F13A1: variants seen among roughly 807,000 people sequenced by gnomAD.
The protein encoded by F13A1 is FSF, A subunit.
Under a neutral mutation model 80.1 loss-of-function variants are expected in F13A1, and 47 were observed. The observed-to-expected ratio is 0.59, with a 90% CI of 0.46 to 0.75. The LOEUF is 0.75. Ranked by LOEUF, F13A1 falls within the 30% of genes least tolerant of loss-of-function variation. The probability of loss-of-function intolerance (pLI) is 0.00; values close to 1 mark genes in which losing one functional copy is unlikely to be tolerated. For synonymous variants in F13A1, 349 were observed against 344.9 expected, an observed-to-expected ratio of 1.01 and a Z score of -0.13; for missense variants, 817 against 930.4, an observed-to-expected ratio of 0.88 and a Z score of 1.59.
chr6:6,301,078 G>T (rs1001377029), intron 3 of F13A1, among the ~76,000 whole-genome samples: 1 of 152,042 alleles, frequency 6.6e-6, no homozygotes, highest in Non-Finnish European at 1.5e-5. Flanking sequence ...TCTAGTTCAC[G>T]TTCTATACTT....
chr6:6,173,202 T>A (rs1185400724), intron 12 of F13A1, among the ~76,000 whole-genome samples: 1 of 152,120 alleles, frequency 6.6e-6, no homozygotes, highest in Admixed American at 6.5e-5. Flanking sequence ...GAAATGTGAT[T>A]TTTTGAGATT....
chr6:6,311,492 T>C (rs575665981), intron 2 of F13A1, among the ~76,000 whole-genome samples: 1 of 146,356 alleles, frequency 6.8e-6, no homozygotes, highest in East Asian at 2.0e-4. Context: ...AGGGTGCTGA[T>C]TAATGCCTTT....
chr6:6,296,257 A>C (rs1444272594), intron 3 of F13A1, among the ~76,000 whole-genome samples: 2 of 151,874 alleles, frequency 1.3e-5, no homozygotes, highest in African/African-American at 4.9e-5. Flanking sequence ...GTGAACTTTA[A>C]AGTAGTTTTT....
chr6:6,260,653 C>T lies in F13A1; in HGVS notation c.571+5905G>A, dbSNP rs1440280698. On this transcript the variant is annotated intron_variant, in intron 4 of 14. Transcript: ENST00000264870. ...TTGGGTTATGCTTTGCGTGCTAGGC[C>T]GGGAAACCACACAATAAGTGGGGAG... Among the ~76,000 whole-genome samples, 8 of 152,152 alleles carry T rather than the reference C, an allele frequency of 5.3e-5. No individual in the cohort carries two copies. In the East Asian group the frequency reaches 5.8e-4, roughly 11 times the overall value.
intron 3 of F13A1, among the ~76,000 whole-genome samples, chr6:6,304,519 A>G (rs1045540380): frequency 6.6e-6 from 1 of 152,162 alleles, no homozygotes; most frequent in African/African-American, 2.4e-5. Context: ...CCAAAGTTAA[A>G]TGGTCCTTCC....
chr6:6,303,783 T>C (rs1342381489), intron 3 of F13A1, among the ~76,000 whole-genome samples: 1 of 152,212 alleles, frequency 6.6e-6, no homozygotes, highest in Non-Finnish European at 1.5e-5. Context: ...AGCTGGTTTA[T>C]ATAGGTTGCG....
intron 13 of F13A1, among the ~76,000 whole-genome samples, chr6:6,164,667 T>A (rs916610940): frequency 4.8e-5 from 7 of 145,760 alleles, no homozygotes; most frequent in African/African-American, 1.8e-4. Context: ...CCATTCTCGC[T>A]CCTTTTTCCC....
intron 3 of F13A1, among the ~76,000 whole-genome samples, chr6:6,280,827 T>C (rs1200913078): frequency 2.6e-5 from 4 of 152,228 alleles, no homozygotes; most frequent in African/African-American, 9.6e-5. Flanking sequence ...TTTGTGGGCT[T>C]GAAGGGGTAC....
intron 13 of F13A1, among the ~76,000 whole-genome samples, chr6:6,157,000 C>T (rs1166356143): frequency 1.3e-5 from 2 of 152,122 alleles, no homozygotes; most frequent in Non-Finnish European, 2.9e-5. Flanking sequence ...AACTGAGGCA[C>T]AGAGGAGTTA....
rs1429429292 is a variant in F13A1, at chr6:6,305,418, AT to A, written c.251del (p.Tyr84LeufsTer39). On this transcript the variant is annotated frameshift_variant, in exon 3 of 15. Transcript: ENST00000264870. LOFTEE classifies it high-confidence loss of function. Reference sequence around the variant, plus strand: ...ATGGACGACTGAAGTCAATCTGCACATAGAAAGACTGCCCTCTGCGGACAAT... The same window carrying A: ...ATGGACGACTGAAGTCAATCTGCACAAGAAAGACTGCCCTCTGCGGACAAT... ...KLIVRRGQSFYVQIDFSRPYD... is the reference protein window; with the variant it reads ...KLIVRRGQSFXVQIDFSRPYD... 1 of 1,614,258 alleles carries A rather than the reference AT, an allele frequency of 6.2e-7. No homozygotes were observed. Among genetic ancestry groups the A allele is most frequent in the Non-Finnish European group, 8.5e-7 (1 of 1,180,040 alleles).
In F13A1 at chr6:6,195,763, G is replaced by A. The variant is rs5979; in HGVS notation, c.1305+34C>T. The A allele has an allele frequency of 9.4e-6, 15 of 1,597,262 alleles. No homozygotes were observed. The East Asian group carries it at 3.4e-4, about 36-fold the overall frequency. ...CTTTCATGTGTTAAGAGGTTGGGGA[G>A]AAAAACAGCACTTTCCTCCAGCTTC... On this transcript the variant is annotated intron_variant, in intron 10 of 14. Coordinates refer to ENST00000264870, the MANE Select transcript of F13A1 (RefSeq NM_000129.4).
At chr6:6,163,515 CTG>C (rs1186954080) in intron 13 of F13A1, among the ~76,000 whole-genome samples, 1 of 152,170 alleles carries the variant, frequency 6.6e-6, no homozygotes, top group African/African-American at 2.4e-5. Flanking sequence ...CAATAGGACC[CTG>C]TGTGTGTTGT....
At chr6:6,200,185 G>A (rs989982439) in intron 8 of F13A1, among the ~76,000 whole-genome samples, 25 of 152,146 alleles carry the variant, frequency 1.6e-4, no homozygotes, top group South Asian at 6.3e-4. Context: ...AGGAGGTTGC[G>A]GGAGTATTGG....
intron 2 of F13A1, among the ~76,000 whole-genome samples, chr6:6,308,057 A>G (rs2113188394): frequency 6.6e-6 from 1 of 151,936 alleles, no homozygotes; most frequent in South Asian, 2.1e-4. Context: ...TCTGTTACCC[A>G]GACTGGAGTG....
At chr6:6,239,339 G>A (rs1757455281) in intron 6 of F13A1, among the ~76,000 whole-genome samples, 1 of 152,138 alleles carries the variant, frequency 6.6e-6, no homozygotes, top group Non-Finnish European at 1.5e-5. Context: ...ACCGGAAGAA[G>A]CACGAGGGAA....
At chr6:6,151,173 C>T (rs778755529) in intron 14 of F13A1, among the ~76,000 whole-genome samples, 12 of 152,184 alleles carry the variant, frequency 7.9e-5, no homozygotes, top group African/African-American at 2.9e-4. Context: ...TTTGAAGTGG[C>T]CTGTGTGTGG....
intron 2 of F13A1, among the ~76,000 whole-genome samples, chr6:6,314,534 A>G (rs984583666): frequency 6.6e-6 from 1 of 151,996 alleles, no homozygotes; most frequent in African/African-American, 2.4e-5. Flanking sequence ...TCATCCTCTA[A>G]GTCTCGGCTC....
At chr6:6,226,035 G>C (rs1040558997) in intron 6 of F13A1, among the ~76,000 whole-genome samples, 3 of 152,206 alleles carry the variant, frequency 2.0e-5, no homozygotes, top group Non-Finnish European at 4.4e-5. Context: ...GACCTAAAGT[G>C]CAGGAGCAAA....
intron 11 of F13A1, among the ~76,000 whole-genome samples, chr6:6,181,316 C>T (rs1760981104): frequency 6.6e-6 from 1 of 152,214 alleles, no homozygotes; most frequent in Non-Finnish European, 1.5e-5. Flanking sequence ...GAACTGAGTC[C>T]TGCTCACTGC....
Sources: allele counts gnomAD v4.1 joint callset (sites outside exome capture counted in the v4.1 genomes callset), GRCh38; gene constraint gnomAD v4.1.1; transcripts MANE v1.5; gene names NCBI Gene and HGNC (gene_info 2026-07-23, HGNC 2026-07-21).